The following PRSS41 variants were observed in gnomAD, a reference collection of about 807,000 sequenced individuals.
PRSS41 encodes the protein protease, serine 41.
A neutral mutation model predicts 28.8 loss-of-function variants in PRSS41; 37 were observed. That is an observed-to-expected ratio of 1.29 (90% confidence interval 0.99 to 1.69). The LOEUF (loss-of-function observed/expected upper bound fraction) is 1.69. Among genes scored for constraint, PRSS41 ranks in the 40% most tolerant of loss-of-function variants. The pLI is 0.00. For missense variants in PRSS41, 431 were observed against 400.7 expected, an observed-to-expected ratio of 1.08 and a Z score of -0.65; for synonymous variants, 195 against 163.1, an observed-to-expected ratio of 1.20 and a Z score of -1.49.
At chr16:2,801,783 C>T (rs2068987766) in intron 4 of PRSS41, among the ~76,000 whole-genome samples, 2 of 152,248 alleles carry the variant, frequency 1.3e-5, no homozygotes, top group African/African-American at 2.4e-5. Flanking sequence ...TCAATCTTTT[C>T]CCCACCTTTC....
At chr16:2,802,222 G>C (rs1484866380) in intron 4 of PRSS41, among the ~76,000 whole-genome samples, 5 of 151,766 alleles carry the variant, frequency 3.3e-5, no homozygotes, top group African/African-American at 1.2e-4. Context: ...GCCGGGCAGA[G>C]GCGCTCCTCA....
chr16:2,802,111 C>A (rs1197655549), intron 4 of PRSS41, among the ~76,000 whole-genome samples: 32 of 151,572 alleles, frequency 2.1e-4, no homozygotes, highest in Non-Finnish European at 4.1e-4. Context: ...CGGAGAGGCT[C>A]CTCACTTCTC....
intron 4 of PRSS41, among the ~76,000 whole-genome samples, chr16:2,801,046 C>T (rs2068982372): frequency 6.6e-6 from 1 of 152,098 alleles, no homozygotes. Flanking sequence ...ACTATGTTGG[C>T]TAGGCTGGTC....
exon 4 of PRSS41, chr16:2,799,489 G>T: frequency 6.4e-7 from 1 of 1,552,110 alleles, no homozygotes; most frequent in African/African-American, 1.4e-5. Flanking sequence ...CAGCCCATTT[G>T]CATCGAGTCT....
intron 4 of PRSS41, among the ~76,000 whole-genome samples, chr16:2,801,991 C>T (rs1383338206): frequency 4.7e-5 from 7 of 150,000 alleles, no homozygotes; most frequent in East Asian, 2.0e-4. Flanking sequence ...ACCTCCCTCC[C>T]GGACGGGGCG....
chr16:2,802,788 G>C (rs965243716), intron 4 of PRSS41, among the ~76,000 whole-genome samples: 2 of 152,142 alleles, frequency 1.3e-5, no homozygotes, highest in Admixed American at 1.3e-4. Flanking sequence ...GGAGAATCAG[G>C]CAGGGAGGTT....
At chr16:2,798,911 C>G in intron 2 of PRSS41, 48 bp from the exon 3 acceptor site, 4 of 1,422,602 alleles carry the variant, frequency 2.8e-6, no homozygotes, top group Non-Finnish European at 3.8e-6. Context: ...CGGGCCTGCC[C>G]ACCCCACCCC....
Position 2,799,141 on chromosome 16 carries a change from G to A in PRSS41, c.257+17G>A. ...CTTCCAAAAGTGAGTCTGGGGGGCGGCCGGGGCCTCAGACTTGCTAATGGC... is the reference window on the plus strand; with the variant it reads ...CTTCCAAAAGTGAGTCTGGGGGGCGACCGGGGCCTCAGACTTGCTAATGGC... On this transcript the variant is annotated intron_variant, in intron 3 of 5. Coordinates refer to ENST00000399677, the Ensembl canonical transcript of PRSS41. 2.0e-6 allele frequency: 3 copies of A among 1,508,528 alleles called. No individual in the cohort carries two copies. Among genetic ancestry groups the A allele is most frequent in the Non-Finnish European group, 8.8e-7 (1 of 1,131,372 alleles). The allele number at this position is 1,508,528 out of a possible 1,614,324, so 93.4% of individuals were successfully genotyped here.
At chr16:2,801,466 T>C (rs972107366) in intron 4 of PRSS41, among the ~76,000 whole-genome samples, 3 of 151,124 alleles carry the variant, frequency 2.0e-5, no homozygotes, top group Non-Finnish European at 4.4e-5. Flanking sequence ...TCTCTGGTTT[T>C]CCTAGGCAGA....
intron 4 of PRSS41, among the ~76,000 whole-genome samples, chr16:2,801,137 C>T (rs538011526): frequency 1.3e-5 from 2 of 152,244 alleles, no homozygotes; most frequent in East Asian, 3.9e-4. Context: ...CGGTGCCCAG[C>T]CGTTTTATCA....
At chr16:2,799,009 T>C (rs2068967009) in exon 3 of PRSS41, 4 of 1,524,614 alleles carry the variant, frequency 2.6e-6, no homozygotes, top group South Asian at 2.4e-5. Flanking sequence ...CGGAGTGGAG[T>C]CCGCGCGCGG....
rs919912437 is a variant in PRSS41 at position 2,800,306 on chromosome 16, C to T, written c.541+737C>T. On this transcript the variant is annotated intron_variant, in intron 4 of 5. Transcript: ENST00000399677. The stretch of plus-strand genomic sequence containing the variant: ...CTATAATCCCAGCACTTTGGGAGGC[C>T]GAGGCAGGTGAATCACCTGAGGTCA... Among the ~76,000 whole-genome samples, 11 of 152,108 alleles carry T rather than the reference C, an allele frequency of 7.2e-5. No individual in the cohort carries two copies. The South Asian group carries it at 1.2e-3, about 17-fold the overall frequency.
At position 2,798,908 on chromosome 16, in the gene PRSS41, G is replaced by GCCCAC. The variant is rs770556732; in HGVS notation, c.92-38_92-34dup. The GCCCAC allele has an allele frequency of 1.4e-3, 2,026 of 1,416,062 alleles. 3 individuals are homozygous for GCCCAC. The highest frequency in any genetic ancestry group is 2.0e-3 in the Admixed American group (86 of 43,302). The allele number at this position is 1,416,062 out of a possible 1,614,324, so 87.7% of individuals were successfully genotyped here. A position where few individuals can be genotyped will look rare whatever the true frequency, so the allele number is the denominator to read the frequency against. On this transcript the variant is annotated intron_variant, in intron 2 of 5. Coordinates refer to ENST00000399677, the Ensembl canonical transcript of PRSS41. ...GGGCAAAGCCGGGCAGGGCGGGCCT[G>GCCCAC]CCCACCCCACCCCACCCGGCAGCTC...
intron 4 of PRSS41, among the ~76,000 whole-genome samples, chr16:2,802,098 G>A (rs1418216197): frequency 2.0e-5 from 3 of 147,500 alleles, no homozygotes; most frequent in Admixed American, 7.1e-5. Context: ...GGTGGCTGCC[G>A]GGCGGAGAGG....
chr16:2,805,005 A>G (rs1567268621), exon 6 of PRSS41: 2 of 1,575,198 alleles, frequency 1.3e-6, no homozygotes, highest in Non-Finnish European at 8.6e-7. Flanking sequence ...GGTCAACCCA[A>G]TCGGCCTGGT....
intron 4 of PRSS41, among the ~76,000 whole-genome samples, chr16:2,801,292 G>A (rs1474115751): frequency 6.6e-6 from 1 of 150,978 alleles, no homozygotes; most frequent in Admixed American, 6.6e-5. Context: ...TTTTCTTGAT[G>A]ATTTGATTGT....
intron 4 of PRSS41, among the ~76,000 whole-genome samples, chr16:2,803,436 T>C (rs967611260): frequency 6.6e-6 from 1 of 152,108 alleles, no homozygotes; most frequent in African/African-American, 2.4e-5. Flanking sequence ...TTAAAAAAAA[T>C]CTCTGTTCCT....
intron 4 of PRSS41, among the ~76,000 whole-genome samples, chr16:2,802,264 T>G: frequency 7.1e-6 from 1 of 141,446 alleles, no homozygotes; most frequent in East Asian, 2.2e-4. Flanking sequence ...GCAGAGGCGC[T>G]CCCCACATCT....
chr16:2,799,600 T>A, intron 4 of PRSS41, 31 bp downstream of exon 4: 1 of 1,547,096 alleles, frequency 6.5e-7, no homozygotes, highest in Non-Finnish European at 8.7e-7. Context: ...GGTGGGGTGA[T>A]GGGGGTGCGG....
Sources: gnomAD v4.1 joint callset for allele counts (sites outside exome capture counted in the v4.1 genomes callset) on GRCh38, gnomAD v4.1.1 for gene constraint, MANE v1.5 for transcripts, NCBI Gene and HGNC (gene_info 2026-07-23, HGNC 2026-07-21) for gene names.